Variants in POLR2F observed in about 807,000 individuals in gnomAD.
POLR2F encodes the protein RNA polymerase II, I and III subunit F, also known as DNA-directed RNA polymerases I, II, and III subunit RPABC2.
In POLR2F, 12 loss-of-function variants were observed where a neutral mutation model predicts 22.7. The ratio of observed to expected loss-of-function variants is 0.53; its 90% CI spans 0.34 to 0.86. POLR2F has a LOEUF of 0.86. POLR2F is among the 40% of genes least tolerant of loss of function. The probability of loss-of-function intolerance (pLI) is 0.02; values close to 1 mark genes in which losing one functional copy is unlikely to be tolerated. For missense variants in POLR2F, 126 were observed against 171.5 expected, an observed-to-expected ratio of 0.73 and a Z score of 1.48; for synonymous variants, 57 against 66.0, an observed-to-expected ratio of 0.86 and a Z score of 0.66.
At chr22:38,027,685 C>T (rs1258773461), downstream of POLR2F, among the ~76,000 whole-genome samples, 1 of 152,152 alleles carries the variant, frequency 6.6e-6, no homozygotes, top group Admixed American at 6.5e-5. Context: ...CGTGTGCACA[C>T]ACACATTCCC....
chr22:38,039,367 C>T (rs1328301226), intron 5 of POLR2F, among the ~76,000 whole-genome samples: 1 of 152,206 alleles, frequency 6.6e-6, no homozygotes, highest in Non-Finnish European at 1.5e-5. Context: ...TCCCTGCCCA[C>T]GTCCCCTCAC....
Position 37,966,953 on chromosome 22 carries a change from C to G in POLR2F, c.222-146C>G. 8 of 603,550 alleles carry G rather than the reference C, an allele frequency of 1.3e-5. No homozygotes were observed. In the South Asian group the frequency reaches 1.6e-4, roughly 12 times the overall value. 37.4% of individuals were successfully genotyped at this position (603,550 alleles called of 1,614,324 possible). ...CTGCCAGGGAAGATCTCTGGCAGTG[C>G]CCCTACACACCACTCCCTACTGTGC... On this transcript the variant is annotated intron_variant, in intron 3 of 4. Transcript: ENST00000442738.
At chr22:37,999,507 G>A (rs987972052) in intron 1 of POLR2F, among the ~76,000 whole-genome samples, 6 of 152,132 alleles carry the variant, frequency 3.9e-5, no homozygotes, top group Non-Finnish European at 7.4e-5. Flanking sequence ...GCCTAGGAGG[G>A]TGTGGTGCTC....
chr22:38,027,356 C>T (rs377073058), downstream of POLR2F, among the ~76,000 whole-genome samples: 32 of 152,120 alleles, frequency 2.1e-4, no homozygotes, highest in African/African-American at 6.7e-4. Flanking sequence ...GGTGTAGAGG[C>T]GTGAAATGGA....
intron 1 of POLR2F, among the ~76,000 whole-genome samples, chr22:38,010,602 G>GGTTTTTT (rs1382349551): frequency 1.2e-3 from 74 of 60,898 alleles, no homozygotes; most frequent in African/African-American, 5.3e-3. Flanking sequence ...AATTCCTTGT[G>GGTTTTTT]TTTTTTTTTT....
At chr22:37,990,238 A>G (rs1932696246) in intron 1 of POLR2F, among the ~76,000 whole-genome samples, 1 of 152,198 alleles carries the variant, frequency 6.6e-6, no homozygotes. Context: ...GCCTGTCCCA[A>G]CAGGGGCTCT....
chr22:38,033,504 C>T (rs2085085672), intron 5 of POLR2F, among the ~76,000 whole-genome samples: 1 of 152,156 alleles, frequency 6.6e-6, no homozygotes, highest in Non-Finnish European at 1.5e-5. Context: ...ACAGACAGGC[C>T]CAGCTGCTGG....
downstream of POLR2F, among the ~76,000 whole-genome samples, chr22:38,028,716 G>C (rs147688245): frequency 2.4e-4 from 36 of 152,256 alleles, no homozygotes; most frequent in African/African-American, 8.2e-4. Flanking sequence ...GGGGAGGAAG[G>C]GGCAGCAGCA....
At chr22:38,013,097 TTCCCTTCCTTCCCTTCC>T in intron 1 of POLR2F, among the ~76,000 whole-genome samples, 1 of 150,662 alleles carries the variant, frequency 6.6e-6, no homozygotes, top group Non-Finnish European at 1.5e-5. Flanking sequence ...CTTCCCTTCC[TTCCCTTCCTTCCCTTCC>T]TTCCCTTCCT....
intron 1 of POLR2F, among the ~76,000 whole-genome samples, chr22:38,007,066 A>G (rs1448006287): frequency 6.6e-6 from 1 of 152,166 alleles, no homozygotes. Context: ...GCCTGGAGGG[A>G]GACAGATGTG....
chr22:38,034,708 T>A (rs141370626), intron 5 of POLR2F, among the ~76,000 whole-genome samples: 2 of 152,302 alleles, frequency 1.3e-5, no homozygotes, highest in African/African-American at 4.8e-5. Context: ...AGGGGAGACC[T>A]GTCAGCCTGG....
At chr22:38,027,697 C>T (rs890712612), downstream of POLR2F, among the ~76,000 whole-genome samples, 3 of 152,268 alleles carry the variant, frequency 2.0e-5, no homozygotes, top group South Asian at 2.1e-4. Context: ...CACATTCCCC[C>T]GCCTCCGCCA....
chr22:37,983,788 G>A, upstream of POLR2F: 2 of 1,432,898 alleles, frequency 1.4e-6, no homozygotes, highest in Non-Finnish European at 1.8e-6. The surrounding 1 kb of genome is among the most constrained non-coding windows in gnomAD (Gnocchi z 9.5). Flanking sequence ...CCGCCATGTC[G>A]CCCCCGGCCG....
chr22:38,009,252 G>A (rs1023984498), intron 1 of POLR2F, among the ~76,000 whole-genome samples: 5 of 152,210 alleles, frequency 3.3e-5, no homozygotes, highest in African/African-American at 9.6e-5. Flanking sequence ...GGGCTGCGAG[G>A]GTTTCAGCAG....
chr22:37,976,126 G>T (rs1402943033), intron 4 of POLR2F, among the ~76,000 whole-genome samples: 2 of 152,150 alleles, frequency 1.3e-5, no homozygotes, highest in Non-Finnish European at 2.9e-5. Context: ...AGGAGGCTGA[G>T]GCACAAGAAT....
chr22:37,971,098 TGGAA>T, downstream of POLR2F: 2 of 383,206 alleles, frequency 5.2e-6, no homozygotes, highest in South Asian at 2.0e-5. Flanking sequence ...AGACCGCAGA[TGGAA>T]GGAAGGGAGC....
chr22:37,973,467 G>T, downstream of POLR2F: 1 of 1,425,876 alleles, frequency 7.0e-7, no homozygotes, highest in Non-Finnish European at 9.6e-7. Flanking sequence ...CAGGGGCTGG[G>T]CGGGGGGTGG....
chr22:37,993,285 A>T (rs748693494), intron 1 of POLR2F, among the ~76,000 whole-genome samples: 9 of 152,208 alleles, frequency 5.9e-5, no homozygotes, highest in Non-Finnish European at 1.2e-4. Context: ...GACAACGACA[A>T]TGGGACCAAG....
At chr22:37,960,227 TC>T in intron 3 of POLR2F, among the ~76,000 whole-genome samples, 1 of 151,034 alleles carries the variant, frequency 6.6e-6, no homozygotes, top group African/African-American at 2.4e-5. Context: ...AATTTTCTTT[TC>T]TTTTTTTTTT....
Sources: gnomAD v4.1 joint callset for allele counts (sites outside exome capture counted in the v4.1 genomes callset) on GRCh38, gnomAD v4.1.1 for gene constraint, Gnocchi (gnomAD v3.1) non-coding constraint, MANE v1.5 for transcripts, NCBI Gene and HGNC (gene_info 2026-07-23, HGNC 2026-07-21) for gene names.